BMPER: variants seen among roughly 807,000 people sequenced by gnomAD.
BMPER encodes the protein BMP-binding endothelial regulator protein.
Under a neutral mutation model 87.3 loss-of-function variants are expected in BMPER, and 45 were observed. The observed-to-expected ratio is 0.52, with a 90% confidence interval of 0.41 to 0.66. The LOEUF (loss-of-function observed/expected upper bound fraction) is 0.66, where lower values mean the gene tolerates loss of function less well. BMPER is among the 30% of genes least tolerant of loss of function. The probability of loss-of-function intolerance (pLI) is 0.00; values close to 1 mark genes in which losing one functional copy is unlikely to be tolerated. For synonymous variants in BMPER, 326 were observed against 316.2 expected (o/e 1.03, Z -0.33); for missense variants, 784 against 867.5 (o/e 0.90, Z 1.21).
chr7:34,026,803 G>A (rs889842739), intron 6 of BMPER, among the ~76,000 whole-genome samples: 29 of 152,164 alleles, frequency 1.9e-4, no homozygotes, highest in African/African-American at 6.7e-4. Context: ...CCACACAACA[G>A]GCTTTATTTC....
chr7:34,106,799 A>C (rs1417863887), intron 13 of BMPER, among the ~76,000 whole-genome samples: 1 of 152,170 alleles, frequency 6.6e-6, no homozygotes, highest in Non-Finnish European at 1.5e-5. Context: ...TCCTTTCTCA[A>C]ACCTCTGGTC....
At chr7:34,143,411 A>G in intron 14 of BMPER, 51 bp downstream of exon 14, 3 of 1,610,716 alleles carry the variant, frequency 1.9e-6, no homozygotes, top group Non-Finnish European at 2.5e-6. Flanking sequence ...GCAATGCCCA[A>G]GATGGCAATG....
intron 6 of BMPER, among the ~76,000 whole-genome samples, chr7:34,007,653 T>C (rs1786769083): frequency 6.6e-6 from 1 of 152,028 alleles, no homozygotes; most frequent in Non-Finnish European, 1.5e-5. Context: ...AATGGCTGCA[T>C]GTTATTCCAT....
intron 12 of BMPER, among the ~76,000 whole-genome samples, chr7:34,083,390 C>T (rs1361855461): frequency 1.3e-5 from 2 of 152,210 alleles, no homozygotes; most frequent in African/African-American, 4.8e-5. Context: ...CTATGGCTCT[C>T]TTTCTTCTTT....
intron 2 of BMPER, among the ~76,000 whole-genome samples, chr7:33,932,451 G>C (rs1784505424): frequency 6.6e-6 from 1 of 152,234 alleles, no homozygotes; most frequent in Non-Finnish European, 1.5e-5. Context: ...AATGACAGCT[G>C]TTTGCCTCCC....
chr7:34,049,875 C>T (rs1367825167), intron 7 of BMPER, among the ~76,000 whole-genome samples: 1 of 152,096 alleles, frequency 6.6e-6, no homozygotes, highest in Non-Finnish European at 1.5e-5. Flanking sequence ...AATGACTTCA[C>T]CATCATTTTT....
chr7:33,968,453 G>A lies in BMPER; in HGVS notation c.403-1876G>A, dbSNP rs144454456. On this transcript the variant is annotated intron_variant, in intron 4 of 14. Coordinates refer to ENST00000649409, the MANE Select transcript of BMPER (RefSeq NM_001365308.1). ...TGCTTCTCTGCAGAATGGCACAATGGCAACCTCTCTTTGCATGCTCTTCTT... is the reference window on the plus strand; with the variant it reads ...TGCTTCTCTGCAGAATGGCACAATGACAACCTCTCTTTGCATGCTCTTCTT... Among the ~76,000 whole-genome samples, 22 of 152,264 alleles carry A rather than the reference G, an allele frequency of 1.4e-4. No homozygotes were observed. The East Asian group carries it at 4.3e-3, about 29-fold the overall frequency.
At chr7:33,965,000 C>T (rs1384061970) in intron 3 of BMPER, among the ~76,000 whole-genome samples, 1 of 152,108 alleles carries the variant, frequency 6.6e-6, no homozygotes, top group African/African-American at 2.4e-5. Context: ...GCACATGGCA[C>T]GTCTCTTGTA....
intron 14 of BMPER, among the ~76,000 whole-genome samples, chr7:34,147,492 C>T (rs1023650500): frequency 3.3e-5 from 5 of 152,074 alleles, no homozygotes; most frequent in Admixed American, 6.6e-5. Context: ...TTTTTTGAGA[C>T]GGAGTTTTGC....
At chr7:33,910,376 A>G (rs1783928940) in intron 2 of BMPER, among the ~76,000 whole-genome samples, 1 of 152,236 alleles carries the variant, frequency 6.6e-6, no homozygotes, top group Admixed American at 6.5e-5. Context: ...ACACCTAGAT[A>G]AATGAAACTG....
chr7:33,906,118 T>A (rs948867455), intron 1 of BMPER, among the ~76,000 whole-genome samples: 12 of 152,210 alleles, frequency 7.9e-5, no homozygotes, highest in African/African-American at 2.9e-4. Context: ...TTGCAATACA[T>A]CCACTGTGCT....
intron 6 of BMPER, among the ~76,000 whole-genome samples, chr7:34,001,805 A>G (rs1418711111): frequency 6.6e-6 from 1 of 151,582 alleles, no homozygotes; most frequent in Non-Finnish European, 1.5e-5. Context: ...TTAAAATATA[A>G]GTGTTTACAG....
chr7:34,058,992 T>C (rs1788357814), intron 10 of BMPER, among the ~76,000 whole-genome samples: 1 of 150,246 alleles, frequency 6.7e-6, no homozygotes, highest in Non-Finnish European at 1.5e-5. Context: ...CAGCTGTTGC[T>C]ATTGCACAAC....
At chr7:33,923,928 T>C (rs1363466508) in intron 2 of BMPER, among the ~76,000 whole-genome samples, 1 of 152,222 alleles carries the variant, frequency 6.6e-6, no homozygotes, top group Non-Finnish European at 1.5e-5. Context: ...TTTATACAGA[T>C]CCATTGCCTA....
intron 3 of BMPER, among the ~76,000 whole-genome samples, chr7:33,952,795 A>G (rs1051302087): frequency 1.4e-4 from 22 of 152,300 alleles, no homozygotes; most frequent in African/African-American, 5.1e-4. Flanking sequence ...TAAATGTTCT[A>G]TATTTCTTTT....
intron 12 of BMPER, among the ~76,000 whole-genome samples, chr7:34,084,029 T>A (rs961578002): frequency 6.8e-6 from 1 of 146,630 alleles, no homozygotes; most frequent in African/African-American, 2.5e-5. Context: ...AAAGGCCGCA[T>A]GCAGTGGCTC....
chr7:34,091,538 TAGCA>T (rs1789380078), intron 13 of BMPER, among the ~76,000 whole-genome samples: 3 of 152,240 alleles, frequency 2.0e-5, no homozygotes, highest in African/African-American at 7.2e-5. Flanking sequence ...ACCGCAGTTG[TAGCA>T]CTTATCACAT....
rs1410164587 is a variant in BMPER at position 34,103,980 on chromosome 7, C to A, written c.1745+17888C>A. ...CATGGCCTTCAATGCCCCATGTCAT[C>A]TGACAATAACTTATGTTTTGAGATT... On this transcript the variant is annotated intron_variant, in intron 13 of 14. Transcript: ENST00000649409. Among the ~76,000 whole-genome samples the A allele has an allele frequency of 2.6e-5, 4 of 152,230 alleles. No individual in the cohort carries two copies. In the East Asian group the frequency reaches 7.7e-4, roughly 29 times the overall value.
intron 11 of BMPER, among the ~76,000 whole-genome samples, chr7:34,067,833 A>G (rs963061903): frequency 6.6e-6 from 1 of 152,208 alleles, no homozygotes; most frequent in Admixed American, 6.5e-5. Context: ...CTTCTGTTTT[A>G]TATGCTGTTC....
Sources: allele counts gnomAD v4.1 joint callset (sites outside exome capture counted in the v4.1 genomes callset), GRCh38; gene constraint gnomAD v4.1.1; transcripts MANE v1.5; gene names NCBI Gene and HGNC (gene_info 2026-07-23, HGNC 2026-07-21).